The following GABRA1 variants were observed in gnomAD, a reference collection of about 807,000 sequenced individuals.
GABRA1 encodes the protein gamma-aminobutyric acid receptor subunit alpha-1.
In GABRA1, 9 loss-of-function variants were observed where a neutral mutation model predicts 48.9. That is an observed-to-expected ratio of 0.18 (90% CI 0.11 to 0.32). The LOEUF (loss-of-function observed/expected upper bound fraction) is 0.32, where lower values mean the gene tolerates loss of function less well. GABRA1 is among the 10% of genes least tolerant of loss of function. The probability of loss-of-function intolerance (pLI) is 1.00; values close to 1 mark genes in which losing one functional copy is unlikely to be tolerated. For missense variants in GABRA1, 285 were observed against 553.8 expected (o/e 0.51, Z 4.87); for synonymous variants, 210 against 198.7 (o/e 1.06, Z -0.48).
In GABRA1 at chr5:161,879,696, C is replaced by T. The variant is rs375384590; in HGVS notation, c.560-2862C>T. ...TCTACCCTTCATTTTGGAAGATTCT[C>T]ATGGAGAGACATGGATAATGAGTCA... is the stretch of plus-strand genomic sequence containing the variant. On this transcript the variant is annotated intron_variant, in intron 6 of 9. Coordinates refer to ENST00000393943, the MANE Select transcript of GABRA1 (RefSeq NM_001127644.2). Among the ~76,000 whole-genome samples, 52 of 152,182 alleles carry T rather than the reference C, an allele frequency of 3.4e-4. No individual in the cohort carries two copies. In the South Asian group the frequency reaches 0.011, roughly 32 times the overall value.
At chr5:161,864,837 TAAA>T (rs564452588) in intron 3 of GABRA1, among the ~76,000 whole-genome samples, 2 of 148,944 alleles carry the variant, frequency 1.3e-5, no homozygotes, top group African/African-American at 4.9e-5. Context: ...TAAAATAAAA[TAAA>T]ATAAATATAA....
At chr5:161,883,576 T>G (rs2113418490) in intron 7 of GABRA1, among the ~76,000 whole-genome samples, 1 of 152,276 alleles carries the variant, frequency 6.6e-6, no homozygotes, top group African/African-American at 2.4e-5. Context: ...TACTGAAAGC[T>G]TTAACGAGGG....
chr5:161,872,812 G>A (rs1370771273), intron 4 of GABRA1, among the ~76,000 whole-genome samples: 3 of 152,058 alleles, frequency 2.0e-5, no homozygotes, highest in African/African-American at 4.8e-5. Flanking sequence ...TTCTTCTAGT[G>A]CTGCTGTGAT....
chr5:161,870,562 C>T (rs1391942317), intron 4 of GABRA1, among the ~76,000 whole-genome samples: 1 of 138,492 alleles, frequency 7.2e-6, no homozygotes, highest in Non-Finnish European at 1.5e-5. Context: ...GAGTGAAACT[C>T]CTTCAGAAAA....
chr5:161,893,705 G>A (rs116752837), intron 8 of GABRA1, among the ~76,000 whole-genome samples: 47 of 152,162 alleles, frequency 3.1e-4, no homozygotes, highest in African/African-American at 1.1e-3. Context: ...ATTCAGTCTC[G>A]CCACCTACCA....
chr5:161,875,647 G>A lies in GABRA1; in HGVS notation c.559+5G>A, dbSNP rs769309543. 1.2e-6 allele frequency: 2 copies of A among 1,604,228 alleles called. No homozygotes were observed. Among genetic ancestry groups the A allele is most frequent in the Non-Finnish European group, 1.7e-6 (2 of 1,171,182 alleles). On this transcript the variant is annotated splice_donor_5th_base_variant and intron_variant, in intron 6 of 9. Coordinates refer to ENST00000393943, the MANE Select transcript of GABRA1 (RefSeq NM_001127644.2). Reference sequence around the variant, plus strand: ...GCCCACTAAAATTTGGAAGTTGTGAGTAAATTTATATGGACTTTTCTTGAT... The same window carrying A: ...GCCCACTAAAATTTGGAAGTTGTGAATAAATTTATATGGACTTTTCTTGAT...
intron 3 of GABRA1, among the ~76,000 whole-genome samples, chr5:161,859,832 C>CA (rs1026429518): frequency 2.6e-4 from 40 of 151,834 alleles, no homozygotes; most frequent in African/African-American, 9.2e-4. Flanking sequence ...TGACGATTTC[C>CA]AAATAAAATT....
intron 6 of GABRA1, among the ~76,000 whole-genome samples, chr5:161,878,451 T>C (rs1341458270): frequency 6.6e-6 from 1 of 152,182 alleles, no homozygotes; most frequent in Non-Finnish European, 1.5e-5. Context: ...TTTTTCGAAG[T>C]AAACACCTTG....
intron 6 of GABRA1, among the ~76,000 whole-genome samples, chr5:161,881,219 C>A (rs962882494): frequency 6.6e-6 from 1 of 152,120 alleles, no homozygotes; most frequent in Non-Finnish European, 1.5e-5. Context: ...CTCAAAAACA[C>A]TGGAAACAGC....
intron 3 of GABRA1, among the ~76,000 whole-genome samples, chr5:161,864,948 A>T (rs1434024506): frequency 6.6e-6 from 1 of 152,018 alleles, no homozygotes; most frequent in African/African-American, 2.4e-5. Context: ...TTCACCCCTC[A>T]ACAAATTGTT....
rs758229064 is a variant in GABRA1, at chr5:161,873,350, G to A, written c.476+13G>A. 7 of 1,586,966 alleles carry A rather than the reference G, an allele frequency of 4.4e-6. No individual in the cohort carries two copies. The highest frequency in any genetic ancestry group is 4.5e-5 in the East Asian group (2 of 44,636). On this transcript the variant is annotated intron_variant, in intron 5 of 9. Coordinates refer to ENST00000393943, the MANE Select transcript of GABRA1 (RefSeq NM_001127644.2). ...TGTACACCATGAGGTAAGGATGGCT[G>A]CACTGCCATTCATGAATGTTTCTGT...
intron 3 of GABRA1, among the ~76,000 whole-genome samples, chr5:161,864,275 C>T (rs975705252): frequency 6.6e-6 from 1 of 152,008 alleles, no homozygotes; most frequent in South Asian, 2.1e-4. Flanking sequence ...CATATGTATA[C>T]ATGTGCCACG....
At chr5:161,860,074 C>T (rs1757793970) in intron 3 of GABRA1, among the ~76,000 whole-genome samples, 1 of 151,686 alleles carries the variant, frequency 6.6e-6, no homozygotes, top group African/African-American at 2.4e-5. Flanking sequence ...CATAATTCAA[C>T]AAATTATAGA....
intron 7 of GABRA1, among the ~76,000 whole-genome samples, chr5:161,886,689 T>A (rs1754863024): frequency 6.6e-6 from 1 of 152,022 alleles, no homozygotes; most frequent in South Asian, 2.1e-4. Flanking sequence ...GATGGGAGGA[T>A]CACCTGAACC....
At chr5:161,893,804 T>G (rs1755234597) in intron 8 of GABRA1, among the ~76,000 whole-genome samples, 1 of 152,250 alleles carries the variant, frequency 6.6e-6, no homozygotes, top group South Asian at 2.1e-4. Flanking sequence ...TAATGCTGTT[T>G]TTTAAAAATT....
chr5:161,849,430 A>C (rs1757352191), intron 1 of GABRA1, among the ~76,000 whole-genome samples: 1 of 152,206 alleles, frequency 6.6e-6, no homozygotes, highest in African/African-American at 2.4e-5. Context: ...ATAGTCAACT[A>C]ATCTGTTTCA....
At chr5:161,858,954 C>T (rs894374667) in intron 3 of GABRA1, among the ~76,000 whole-genome samples, 5 of 151,686 alleles carry the variant, frequency 3.3e-5, no homozygotes, top group Admixed American at 6.6e-5. Flanking sequence ...ATTCCTAAAA[C>T]GACAAATCCT....
chr5:161,866,515 G>A (rs1753858438), intron 4 of GABRA1, among the ~76,000 whole-genome samples: 1 of 151,972 alleles, frequency 6.6e-6, no homozygotes, highest in Non-Finnish European at 1.5e-5. Flanking sequence ...ATATTTCAAA[G>A]ATACATTAAT....
At chr5:161,889,657 A>G (rs1474577005) in intron 7 of GABRA1, among the ~76,000 whole-genome samples, 1 of 152,064 alleles carries the variant, frequency 6.6e-6, no homozygotes. Context: ...TGCTATGCAT[A>G]CTCTTAAATA....
Sources: gnomAD v4.1 joint callset for allele counts (sites outside exome capture counted in the v4.1 genomes callset) on GRCh38, gnomAD v4.1.1 for gene constraint, MANE v1.5 for transcripts, NCBI Gene and HGNC (gene_info 2026-07-23, HGNC 2026-07-21) for gene names.